KCNK10: variants seen among roughly 807,000 people sequenced by gnomAD.
The protein encoded by KCNK10 is potassium two pore domain channel subfamily K member 10.
In KCNK10, 25 loss-of-function variants were observed where a neutral mutation model predicts 47.7. That is an observed-to-expected ratio of 0.52 (90% CI 0.38 to 0.73). The LOEUF (loss-of-function observed/expected upper bound fraction) is 0.73, where lower values mean the gene tolerates loss of function less well. Ranked by LOEUF, KCNK10 falls within the 30% of genes least tolerant of loss-of-function variation. The probability of loss-of-function intolerance (pLI) is 0.00; values close to 1 mark genes in which losing one functional copy is unlikely to be tolerated. For missense variants in KCNK10, 563 were observed against 714.5 expected (o/e 0.79, Z 2.42); for synonymous variants, 303 against 285.6 (o/e 1.06, Z -0.61).
rs1407691031 is a variant in KCNK10 at position 88,185,523 on chromosome 14, T to C, written c.*12A>G. The C allele has an allele frequency of 2.5e-6, 4 of 1,609,298 alleles. No homozygotes were observed. The highest frequency in any genetic ancestry group is 3.4e-6 in the Non-Finnish European group (4 of 1,176,870). ...CACACAACGCTCAGTCCAAGACCAA[T>C]GTCCTTCACATTTAGTTTCTGTCTT... On this transcript the variant is annotated 3_prime_UTR_variant, in exon 7 of 7. Coordinates refer to ENST00000319231, the MANE Select transcript of KCNK10 (RefSeq NM_138317.3). The surrounding 1 kb of genome is among the most constrained non-coding windows in gnomAD (Gnocchi z 4.3).
intron 2 of KCNK10, among the ~76,000 whole-genome samples, chr14:88,253,643 T>C (rs1886860694): frequency 1.3e-5 from 2 of 152,130 alleles, no homozygotes; most frequent in Non-Finnish European, 2.9e-5. Flanking sequence ...CTCACACCTG[T>C]AATCCCAAAA....
chr14:88,298,055 T>C (rs570605743), intron 1 of KCNK10, among the ~76,000 whole-genome samples: 1 of 152,290 alleles, frequency 6.6e-6, no homozygotes. Flanking sequence ...CGTAAGATCT[T>C]TTCAGGTAGA....
chr14:88,236,747 T>C (rs1334158562), intron 3 of KCNK10, among the ~76,000 whole-genome samples: 1 of 152,226 alleles, frequency 6.6e-6, no homozygotes, highest in Non-Finnish European at 1.5e-5. Context: ...GTCTATTGAG[T>C]GTACAATAGC....
intron 1 of KCNK10, among the ~76,000 whole-genome samples, chr14:88,287,679 GTGTGTGT>G (rs1566715222): frequency 3.0e-3 from 11 of 3,686 alleles, no homozygotes; most frequent in East Asian, 0.013. Context: ...TCCATGGTGT[GTGTGTGT>G]GTGTGTGTGT....
chr14:88,203,717 C>T (rs532484454), intron 4 of KCNK10, among the ~76,000 whole-genome samples: 2 of 152,288 alleles, frequency 1.3e-5, no homozygotes, highest in East Asian at 1.9e-4. Flanking sequence ...CAGTAGCACT[C>T]CCCCTTCTGA....
chr14:88,266,900 G>A (rs879893569), intron 1 of KCNK10, among the ~76,000 whole-genome samples: 1 of 152,312 alleles, frequency 6.6e-6, no homozygotes, highest in African/African-American at 2.4e-5. Flanking sequence ...CATCCCTGAG[G>A]CTGGGCAGAA....
upstream of KCNK10, chr14:88,326,437 C>T: frequency 6.2e-7 from 1 of 1,613,704 alleles, no homozygotes; most frequent in Non-Finnish European, 8.5e-7. Flanking sequence ...AGAAAGAAGT[C>T]TGTGTAGAGA....
chr14:88,198,274 G>T (rs1036118850), intron 4 of KCNK10, among the ~76,000 whole-genome samples: 1 of 152,146 alleles, frequency 6.6e-6, no homozygotes, highest in East Asian at 1.9e-4. Flanking sequence ...CCTTCTCTTT[G>T]GTTGAAGCAT....
chr14:88,286,659 T>C (rs988818644), intron 1 of KCNK10, among the ~76,000 whole-genome samples: 2 of 152,188 alleles, frequency 1.3e-5, no homozygotes, highest in Non-Finnish European at 2.9e-5. Context: ...CTCACAATTA[T>C]GGCAGAAGGT....
chr14:88,241,917 C>A (rs577118877), intron 2 of KCNK10, among the ~76,000 whole-genome samples: 2 of 152,152 alleles, frequency 1.3e-5, no homozygotes, highest in African/African-American at 4.8e-5. Flanking sequence ...CCCCTGCCAT[C>A]TTCTTTCAAG....
At chr14:88,199,633 C>T (rs1885035520) in intron 4 of KCNK10, among the ~76,000 whole-genome samples, 1 of 152,194 alleles carries the variant, frequency 6.6e-6, no homozygotes, top group African/African-American at 2.4e-5. Context: ...TCTTGTCCTT[C>T]CCACCCATCT....
chr14:88,231,595 C>G (rs1295839452), intron 3 of KCNK10, among the ~76,000 whole-genome samples: 1 of 152,218 alleles, frequency 6.6e-6, no homozygotes, highest in Non-Finnish European at 1.5e-5. Context: ...GAGCATCATT[C>G]ATCCAGCTTA....
chr14:88,323,169 C>T lies in KCNK10; in HGVS notation c.-371G>A. 5 of 1,113,138 alleles carry T rather than the reference C, an allele frequency of 4.5e-6. No individual in the cohort carries two copies. The South Asian group carries it at 9.6e-5, about 21-fold the overall frequency. The allele number at this position is 1,113,138 out of a possible 1,614,324, so 69.0% of individuals were successfully genotyped here. ...GGGCTGCGCAGCCTGAAGGCTGGGG[C>T]TACGGAGAAGCCCACTGCAGTGTCA... On this transcript the variant is annotated 5_prime_UTR_variant, in exon 1 of 7. Coordinates refer to ENST00000319231, the MANE Select transcript of KCNK10 (RefSeq NM_138317.3).
intron 2 of KCNK10, among the ~76,000 whole-genome samples, chr14:88,251,291 G>C (rs28651700): frequency 0.015 from 2,281 of 148,650 alleles, 55 homozygotes; most frequent in African/African-American, 0.054. Context: ...CATTCCTCAA[G>C]CCTTTAGCAT....
At chr14:88,213,795 T>C (rs1885532556) in intron 4 of KCNK10, among the ~76,000 whole-genome samples, 1 of 151,882 alleles carries the variant, frequency 6.6e-6, no homozygotes, top group Admixed American at 6.6e-5. Flanking sequence ...AAATGGCTCT[T>C]AAAAGGAAGA....
At chr14:88,263,163 C>A (rs1887158474) in intron 2 of KCNK10, 39 bp downstream of exon 2, 5 of 1,529,792 alleles carry the variant, frequency 3.3e-6, no homozygotes, top group South Asian at 1.2e-5. Flanking sequence ...TGCCATCCAC[C>A]CCACCAGCTG....
intron 2 of KCNK10, among the ~76,000 whole-genome samples, chr14:88,258,290 C>CTTTTTTT (rs1255773967): frequency 1.5e-5 from 2 of 136,262 alleles, no homozygotes; most frequent in African/African-American, 2.7e-5. Context: ...TATGGTGAGT[C>CTTTTTTT]TTTTTTTTTT....
At chr14:88,323,286 C>G (rs911085588), upstream of KCNK10, 10 of 985,494 alleles carry the variant, frequency 1.0e-5, no homozygotes, top group Non-Finnish European at 1.2e-5. Flanking sequence ...GCACGTCAGC[C>G]TCGCTCGGCC....
chr14:88,228,646 TA>T (rs902899408), intron 3 of KCNK10, among the ~76,000 whole-genome samples: 3 of 152,114 alleles, frequency 2.0e-5, no homozygotes, highest in Non-Finnish European at 2.9e-5. Context: ...TGCAACATGA[TA>T]AAAAAACGTT....
Sources: allele counts gnomAD v4.1 joint callset (sites outside exome capture counted in the v4.1 genomes callset), GRCh38; gene constraint gnomAD v4.1.1; non-coding constraint Gnocchi (gnomAD v3.1); transcripts MANE v1.5; gene names NCBI Gene and HGNC (gene_info 2026-07-23, HGNC 2026-07-21).